Variants in NEO1 observed in about 807,000 individuals in gnomAD.
The protein encoded by NEO1 is neogenin.
NEO1 carries 63 observed loss-of-function variants against 159.7 expected under a neutral mutation model. The observed-to-expected ratio is 0.39, with a 90% CI of 0.32 to 0.49. NEO1 has a LOEUF of 0.49. Ranked by LOEUF, NEO1 falls within the 20% of genes least tolerant of loss-of-function variation. The pLI is 0.85. For missense variants in NEO1, 1,615 were observed against 1,831.0 expected, an observed-to-expected ratio of 0.88 and a Z score of 2.15; for synonymous variants, 633 against 662.0, an observed-to-expected ratio of 0.96 and a Z score of 0.67.
chr15:73,053,430 CG>C (rs1437506869), intron 1 of NEO1, among the ~76,000 whole-genome samples: 1 of 152,152 alleles, frequency 6.6e-6, no homozygotes, highest in Non-Finnish European at 1.5e-5. Flanking sequence ...TCGGAGTGAT[CG>C]TATCTGTTAG....
chr15:73,056,251 C>A (rs1243114754), intron 1 of NEO1, among the ~76,000 whole-genome samples: 1 of 152,238 alleles, frequency 6.6e-6, no homozygotes, highest in Admixed American at 6.5e-5. Context: ...ATCTCCGTGC[C>A]TTTGCACATG....
At chr15:73,052,290 A>ACTCCCGC (rs2067473251), upstream of NEO1, among the ~76,000 whole-genome samples, 1 of 106,658 alleles carries the variant, frequency 9.4e-6, no homozygotes, top group Non-Finnish European at 2.0e-5. Flanking sequence ...CGCGCCCGGG[A>ACTCCCGC]CTCCCGCCCC....
At chr15:73,054,756 A>G (rs2067619957) in intron 1 of NEO1, among the ~76,000 whole-genome samples, 1 of 152,216 alleles carries the variant, frequency 6.6e-6, no homozygotes, top group South Asian at 2.1e-4. Context: ...AGCGAGAGGA[A>G]TAACTGCAAT....
intron 2 of NEO1, among the ~76,000 whole-genome samples, chr15:73,119,598 C>T (rs1178408519): frequency 6.6e-6 from 1 of 152,158 alleles, no homozygotes; most frequent in Non-Finnish European, 1.5e-5. Context: ...TCTTAACTCC[C>T]ACTCTCCTTT....
At chr15:73,176,606 T>G (rs895732110) in intron 6 of NEO1, 49 bp downstream of exon 6, 30 of 1,454,658 alleles carry the variant, frequency 2.1e-5, no homozygotes, top group Non-Finnish European at 2.7e-5. Context: ...CTTTAGATAT[T>G]TTTAAATGTA....
chr15:73,189,519 A>C (rs2036125109), intron 7 of NEO1, among the ~76,000 whole-genome samples: 1 of 148,498 alleles, frequency 6.7e-6, no homozygotes, highest in Admixed American at 7.0e-5. Context: ...ATCTCTTGTG[A>C]TGGTGCTTAT....
chr15:73,097,677 T>A (rs1457931991), intron 1 of NEO1, among the ~76,000 whole-genome samples: 4 of 151,762 alleles, frequency 2.6e-5, no homozygotes, highest in Non-Finnish European at 5.9e-5. Flanking sequence ...CTCTTTTGAG[T>A]GTTTGAGATG....
chr15:73,275,525 C>G (rs1001672945), intron 21 of NEO1, among the ~76,000 whole-genome samples: 1 of 151,874 alleles, frequency 6.6e-6, no homozygotes, highest in Non-Finnish European at 1.5e-5. Flanking sequence ...CATGGTGGTG[C>G]GCACCTATAA....
At chr15:73,202,238 C>T (rs2036940328) in intron 7 of NEO1, among the ~76,000 whole-genome samples, 2 of 152,198 alleles carry the variant, frequency 1.3e-5, no homozygotes, top group Non-Finnish European at 2.9e-5. Context: ...GCTGGGATTA[C>T]AGGCATGAGC....
intron 23 of NEO1, among the ~76,000 whole-genome samples, chr15:73,284,620 C>G (rs1180642578): frequency 7.2e-6 from 1 of 139,580 alleles, no homozygotes; most frequent in Non-Finnish European, 1.5e-5. Flanking sequence ...GTGTCTCTCT[C>G]TGTTGCCCAG....
chr15:73,119,410 T>C (rs1736086330), intron 2 of NEO1, among the ~76,000 whole-genome samples: 1 of 152,200 alleles, frequency 6.6e-6, no homozygotes, highest in Non-Finnish European at 1.5e-5. Context: ...ATTAAATAGG[T>C]AACTCATAGA....
At chr15:73,256,811 G>C (rs2040375333) in intron 13 of NEO1, among the ~76,000 whole-genome samples, 2 of 151,930 alleles carry the variant, frequency 1.3e-5, no homozygotes, top group South Asian at 4.1e-4. Flanking sequence ...ATTTTCAGCT[G>C]AGCGTGGTGG....
At chr15:73,256,528 A>G (rs949304748) in intron 13 of NEO1, among the ~76,000 whole-genome samples, 5 of 152,120 alleles carry the variant, frequency 3.3e-5, no homozygotes, top group Admixed American at 2.6e-4. Context: ...TTACTTGTTT[A>G]TGGGTATAAG....
chr15:73,125,757 A>G (rs2030119948), intron 3 of NEO1, among the ~76,000 whole-genome samples: 1 of 152,244 alleles, frequency 6.6e-6, no homozygotes, highest in Admixed American at 6.5e-5. Context: ...AAGAAATACA[A>G]AAATATAGTG....
intron 1 of NEO1, among the ~76,000 whole-genome samples, chr15:73,060,212 T>C (rs751054895): frequency 7.9e-5 from 12 of 152,198 alleles, no homozygotes; most frequent in Non-Finnish European, 1.2e-4. Context: ...TTTGGTTAAT[T>C]GTTGAAAGTT....
intron 7 of NEO1, among the ~76,000 whole-genome samples, chr15:73,204,236 G>C (rs916748848): frequency 6.6e-6 from 1 of 151,456 alleles, no homozygotes; most frequent in Admixed American, 6.6e-5. Flanking sequence ...TTATTCTGCC[G>C]TCTTTCAAGA....
intron 1 of NEO1, among the ~76,000 whole-genome samples, chr15:73,075,071 G>C (rs1273224759): frequency 6.6e-6 from 1 of 152,046 alleles, no homozygotes; most frequent in Non-Finnish European, 1.5e-5. Flanking sequence ...TGCTTTTATA[G>C]GTGAAAAAAG....
Position 73,065,844 on chromosome 15 carries a change from T to C in NEO1, c.130+13039T>C, listed in dbSNP as rs2068187281. Among the ~76,000 whole-genome samples the C allele has an allele frequency of 3.3e-5, 5 of 152,264 alleles. No individual in the cohort carries two copies. In the South Asian group the frequency reaches 1.0e-3, roughly 32 times the overall value. On this transcript the variant is annotated intron_variant, in intron 1 of 28. Coordinates refer to ENST00000261908, the MANE Select transcript of NEO1 (RefSeq NM_002499.4). ...GTTCACTTAGGCTCCCTTACATCCT[T>C]ATCTCTCTGATGGGTTCAGAAAAAC...
chr15:73,213,381 A>G (rs1324680343), intron 7 of NEO1, among the ~76,000 whole-genome samples: 2 of 152,302 alleles, frequency 1.3e-5, no homozygotes, highest in Middle Eastern at 3.4e-3. Context: ...CCTGAACAGT[A>G]TACAATGCAC....
Sources: gnomAD v4.1 joint callset for allele counts (sites outside exome capture counted in the v4.1 genomes callset) on GRCh38, gnomAD v4.1.1 for gene constraint, MANE v1.5 for transcripts, NCBI Gene and HGNC (gene_info 2026-07-23, HGNC 2026-07-21) for gene names.